GDAP1: variants seen among roughly 807,000 people sequenced by gnomAD.
GDAP1 encodes the protein ganglioside-induced differentiation-associated protein 1.
Under a neutral mutation model 40.1 loss-of-function variants are expected in GDAP1, and 34 were observed. That is an observed-to-expected ratio of 0.85 (90% CI 0.64 to 1.13). The LOEUF is 1.13. GDAP1 is among the 50% of genes most tolerant of loss of function. The probability of loss-of-function intolerance (pLI) is 0.00; values close to 1 mark genes in which losing one functional copy is unlikely to be tolerated. For synonymous variants in GDAP1, 170 were observed against 157.4 expected, an observed-to-expected ratio of 1.08 and a Z score of -0.60; for missense variants, 374 against 433.7, an observed-to-expected ratio of 0.86 and a Z score of 1.22.
At chr8:74,375,613 A>G (rs1036402771) in intron 2 of GDAP1, among the ~76,000 whole-genome samples, 56 of 152,346 alleles carry the variant, frequency 3.7e-4, no homozygotes, top group African/African-American at 1.3e-3. Context: ...TCAGGATACT[A>G]GAAATAGAAG....
rs1223182266 is a variant in GDAP1, at chr8:74,351,495, G to A, written c.310+29G>A. On this transcript the variant is annotated intron_variant, in intron 2 of 5. Transcript: ENST00000220822. ...ATGTTAAGGCTACTTGCGATTTCTT[G>A]GATTTACTTTCAACACAACTATGTG... 2.0e-6 allele frequency: 3 copies of A among 1,491,856 alleles called. No homozygotes were observed. The Admixed American group carries it at 5.0e-5, about 25-fold the overall frequency. The allele number at this position is 1,491,856 out of a possible 1,614,324, so 92.4% of individuals were successfully genotyped here. A position where few individuals can be genotyped will look rare whatever the true frequency, so the allele number is the denominator to read the frequency against.
intron 2 of GDAP1, among the ~76,000 whole-genome samples, chr8:74,424,658 T>C (rs1805925047): frequency 6.6e-6 from 1 of 152,200 alleles, no homozygotes; most frequent in Non-Finnish European, 1.5e-5. Context: ...ACAACTGTAT[T>C]GCAATATAAC....
At chr8:74,431,464 TTC>T (rs1168737129) in intron 2 of GDAP1, among the ~76,000 whole-genome samples, 1 of 142,130 alleles carries the variant, frequency 7.0e-6, no homozygotes, top group African/African-American at 2.6e-5. Context: ...ATGTTCAAAA[TTC>T]TTTCTTATTT....
At chr8:74,469,389 G>A (rs563437844) in intron 2 of GDAP1, among the ~76,000 whole-genome samples, 8 of 152,152 alleles carry the variant, frequency 5.3e-5, no homozygotes, top group Admixed American at 3.9e-4. Flanking sequence ...GTATTCTGAG[G>A]CGGGCGCAGT....
rs919848843 is a variant in GDAP1 at position 74,402,050 on chromosome 8, C to T, written c.165+50729C>T. Among the ~76,000 whole-genome samples the T allele has an allele frequency of 3.1e-4, 46 of 150,234 alleles. 1 individual carries two copies. Among genetic ancestry groups the T allele is most frequent in the South Asian group, 8.3e-4 (4 of 4,832 alleles). On this transcript the variant is annotated intron_variant, in intron 2 of 2. Coordinates refer to the GDAP1 transcript ENST00000523640. ...AGTCTGCCCGTTCTCAGATCTCCAG[C>T]TGCGTGCTGGGAGAACCACTGCTCT... is the stretch of plus-strand genomic sequence containing the variant.
intron 2 of GDAP1, among the ~76,000 whole-genome samples, chr8:74,432,948 C>T (rs1806045530): frequency 6.6e-6 from 1 of 152,162 alleles, no homozygotes. Flanking sequence ...CATGATCTGG[C>T]TCCTTCCAGC....
rs189858907 is a variant in GDAP1, at chr8:74,374,152, G to A, written c.165+22831G>A. ...AGCTTTTTGATGTGCTGCTGAATTC[G>A]GTTTGCCAGTATTGTATTGAGGATT... On this transcript the variant is annotated intron_variant, in intron 2 of 2. Transcript: ENST00000523640. Among the ~76,000 whole-genome samples, 177 of 152,226 alleles carry A rather than the reference G, an allele frequency of 1.2e-3. No homozygotes were observed. In the East Asian group the frequency reaches 0.012, roughly 10 times the overall value.
intron 2 of GDAP1, among the ~76,000 whole-genome samples, chr8:74,431,729 C>T (rs912814392): frequency 9.9e-5 from 15 of 152,068 alleles, no homozygotes; most frequent in African/African-American, 3.4e-4. Flanking sequence ...GATCTGCCTG[C>T]GTCGGCCTCC....
At chr8:74,384,317 CTT>C (rs1164939383) in intron 2 of GDAP1, among the ~76,000 whole-genome samples, 1 of 152,088 alleles carries the variant, frequency 6.6e-6, no homozygotes, top group Non-Finnish European at 1.5e-5. Context: ...CAGGCAATCT[CTT>C]TTTCAACCAC....
intron 2 of GDAP1, among the ~76,000 whole-genome samples, chr8:74,481,892 C>T (rs1806715866): frequency 6.6e-6 from 1 of 152,080 alleles, no homozygotes; most frequent in Non-Finnish European, 1.5e-5. Flanking sequence ...AACTTACCAT[C>T]ATTTATTTTA....
intron 2 of GDAP1, among the ~76,000 whole-genome samples, chr8:74,422,356 T>TTTTC (rs1464436992): frequency 2.2e-5 from 1 of 45,802 alleles, no homozygotes; most frequent in African/African-American, 8.1e-5. Flanking sequence ...TTTCTTCCCT[T>TTTTC]CCTTCCTTCC....
intron 2 of GDAP1, among the ~76,000 whole-genome samples, chr8:74,486,962 T>C (rs2128722077): frequency 6.6e-6 from 1 of 152,304 alleles, no homozygotes; most frequent in East Asian, 1.9e-4. Context: ...TAAATTATTC[T>C]ATCTCACTTA....
chr8:74,418,351 T>C (rs968006555), intron 2 of GDAP1, among the ~76,000 whole-genome samples: 8 of 152,180 alleles, frequency 5.3e-5, no homozygotes, highest in Non-Finnish European at 1.0e-4. Context: ...ATGGGTCAAT[T>C]GAACAAAACA....
chr8:74,374,867 A>G (rs1167055286), intron 2 of GDAP1, among the ~76,000 whole-genome samples: 2 of 152,234 alleles, frequency 1.3e-5, no homozygotes, highest in Admixed American at 1.3e-4. Flanking sequence ...ACCATTCTAC[A>G]AAGAAGATTC....
intron 4 of GDAP1, among the ~76,000 whole-genome samples, 155 bp from the exon 5 acceptor site, chr8:74,362,784 C>CTTTTTTTTTTTTTT (rs1284434868): frequency 5.0e-5 from 3 of 60,450 alleles, no homozygotes; most frequent in African/African-American, 1.3e-4. Flanking sequence ...CTCTCTCTCT[C>CTTTTTTTTTTTTTT]TTTTTTTTTT....
chr8:74,446,016 A>G (rs1806222072), intron 2 of GDAP1, among the ~76,000 whole-genome samples: 1 of 152,186 alleles, frequency 6.6e-6, no homozygotes, highest in South Asian at 2.1e-4. Context: ...CTTTAGATTC[A>G]ATAAAACTTC....
At chr8:74,370,849 T>G (rs1809736675), downstream of GDAP1, among the ~76,000 whole-genome samples, 1 of 152,126 alleles carries the variant, frequency 6.6e-6, no homozygotes, top group Non-Finnish European at 1.5e-5. Context: ...TCAGAAAAAG[T>G]GGAGTTTAAG....
At chr8:74,372,508 T>G (rs1422925461) in intron 2 of GDAP1, among the ~76,000 whole-genome samples, 4 of 152,244 alleles carry the variant, frequency 2.6e-5, no homozygotes, top group African/African-American at 9.6e-5. Flanking sequence ...TTTGCATTTC[T>G]CTAATGGCCA....
In GDAP1 at chr8:74,351,280, T is replaced by C. The variant is rs1196654489; in HGVS notation, c.124T>C (p.Leu42=). The part of the protein sequence containing the change: ...THSFSSQKVR[L]VIAEKALKCE... ...CCAGTGTGAACTCTTCCAGGTGCGC[T>C]TGGTAATTGCTGAAAAGGCATTGAA... The change falls in exon 2 of 6, where the codon TTG becomes CTG. Residue 42 remains leucine (L), a synonymous_variant. Transcript: ENST00000220822. The C allele has an allele frequency of 1.2e-6, 2 of 1,613,862 alleles. No individual in the cohort carries two copies. The highest frequency in any genetic ancestry group is 2.2e-5 in the South Asian group (2 of 91,074).
Sources: gnomAD v4.1 joint callset for allele counts (sites outside exome capture counted in the v4.1 genomes callset) on GRCh38, gnomAD v4.1.1 for gene constraint, MANE v1.5 for transcripts, NCBI Gene and HGNC (gene_info 2026-07-23, HGNC 2026-07-21) for gene names.